The following ARHGAP6 variants were observed in gnomAD, a reference collection of about 807,000 sequenced individuals.
ARHGAP6 encodes the protein rho GTPase-activating protein 6.
In ARHGAP6, 16 loss-of-function variants were observed where a neutral mutation model predicts 55.7. The ratio of observed to expected loss-of-function variants is 0.29; its 90% CI spans 0.19 to 0.44. The LOEUF is 0.44. Among genes scored for constraint, ARHGAP6 ranks in the 20% least tolerant of loss-of-function variants. ARHGAP6 has a pLI of 1.00. For missense variants in ARHGAP6, 698 were observed against 808.9 expected, an observed-to-expected ratio of 0.86 and a Z score of 1.66; for synonymous variants, 382 against 360.9, an observed-to-expected ratio of 1.06 and a Z score of -0.66.
In ARHGAP6 at chrX:11,275,735, C is replaced by G. The variant is rs189293120; in HGVS notation, c.589-21028G>C. On this transcript the variant is annotated intron_variant, in intron 1 of 12. Transcript: ENST00000337414. Reference sequence around the variant, plus strand: ...GCTTAGCTCTTGGGCTTCACCAAGCCTCACTTACTTCACATCCCTTAATTT... The same window carrying G: ...GCTTAGCTCTTGGGCTTCACCAAGCGTCACTTACTTCACATCCCTTAATTT... Among the ~76,000 whole-genome samples the G allele has an allele frequency of 3.0e-3, 336 of 111,713 alleles. 1 individual carries two copies. Among genetic ancestry groups the G allele is most frequent in the African/African-American group, 0.011 (325 of 30,814 alleles).
intron 1 of ARHGAP6, among the ~76,000 whole-genome samples, chrX:11,518,798 C>T (rs1438983454): frequency 2.9e-5 from 2 of 68,543 alleles, no homozygotes; most frequent in Admixed American, 1.9e-4. Flanking sequence ...CCCGACCCCA[C>T]CACAGTCCCC....
intron 1 of ARHGAP6, among the ~76,000 whole-genome samples, chrX:11,568,729 C>A (rs2051477183): frequency 9.5e-6 from 1 of 105,457 alleles, no homozygotes; most frequent in Non-Finnish European, 1.9e-5. Flanking sequence ...TGCACTCCAG[C>A]CTGGGCGACA....
At chrX:11,437,128 A>G (rs905941072) in intron 1 of ARHGAP6, among the ~76,000 whole-genome samples, 37 of 111,305 alleles carry the variant, frequency 3.3e-4, no homozygotes, top group Admixed American at 9.5e-5. Context: ...CTGACTTTAT[A>G]ACAAATCTAG....
At chrX:11,358,041 C>A (rs1486462829) in intron 1 of ARHGAP6, among the ~76,000 whole-genome samples, 1 of 111,684 alleles carries the variant, frequency 9.0e-6, no homozygotes, top group African/African-American at 3.3e-5. Flanking sequence ...AGTTACTCCT[C>A]ACATCCCTCT....
intron 1 of ARHGAP6, among the ~76,000 whole-genome samples, chrX:11,519,471 T>A (rs999659853): frequency 3.8e-5 from 4 of 105,799 alleles, no homozygotes; most frequent in African/African-American, 1.5e-4. Context: ...CGCCCACTTT[T>A]TGATGGGGTT....
intron 1 of ARHGAP6, among the ~76,000 whole-genome samples, chrX:11,498,008 G>C (rs1190833000): frequency 9.0e-6 from 1 of 111,462 alleles, no homozygotes; most frequent in South Asian, 3.8e-4. Context: ...TATTGTTGCT[G>C]TAAGCTTGAA....
At chrX:11,462,637 T>C (rs780254940) in intron 1 of ARHGAP6, among the ~76,000 whole-genome samples, 1 of 112,377 alleles carries the variant, frequency 8.9e-6, no homozygotes, top group East Asian at 2.8e-4. Flanking sequence ...TATAATGAGA[T>C]TTGGGATAAC....
chrX:11,605,461 C>G (rs1053014380), intron 1 of ARHGAP6, among the ~76,000 whole-genome samples: 1 of 111,205 alleles, frequency 9.0e-6, no homozygotes, highest in Admixed American at 9.5e-5. Context: ...AGAAGAAGAA[C>G]AGGGGGAGTG....
intron 1 of ARHGAP6, among the ~76,000 whole-genome samples, chrX:11,590,177 T>TA (rs1256926248): frequency 8.9e-6 from 1 of 111,913 alleles, no homozygotes; most frequent in Non-Finnish European, 1.9e-5. Flanking sequence ...TGGAGATTTT[T>TA]AAAAATCTAC....
intron 1 of ARHGAP6, among the ~76,000 whole-genome samples, chrX:11,451,724 T>C (rs1231729153): frequency 1.8e-5 from 2 of 111,933 alleles, no homozygotes; most frequent in Admixed American, 9.5e-5. Flanking sequence ...CCATGATGCA[T>C]AGCACCTTGG....
chrX:11,179,745 CAT>C (rs972152096), intron 6 of ARHGAP6, among the ~76,000 whole-genome samples: 1 of 91,128 alleles, frequency 1.1e-5, no homozygotes, highest in Non-Finnish European at 2.1e-5. Context: ...TATGTATATA[CAT>C]ATATATGTAT....
rs60003077 is a variant in ARHGAP6 at position 11,441,559 on chromosome X, C to T, written c.589-186852G>A. Among the ~76,000 whole-genome samples the T allele has an allele frequency of 6.4e-3, 713 of 111,558 alleles. 4 individuals are homozygous for T. The highest frequency in any genetic ancestry group is 0.022 in the African/African-American group (672 of 30,695). On this transcript the variant is annotated intron_variant, in intron 1 of 12. Transcript: ENST00000337414. ...GCCCCTAGTCCCCCAACTCAACTGTCCTCCTGGGACTGCCAAGTAAAAAAG... is the reference window on the plus strand; with the variant it reads ...GCCCCTAGTCCCCCAACTCAACTGTTCTCCTGGGACTGCCAAGTAAAAAAG...
intron 1 of ARHGAP6, among the ~76,000 whole-genome samples, chrX:11,524,624 G>T (rs1172908813): frequency 2.7e-5 from 3 of 111,138 alleles, no homozygotes; most frequent in Non-Finnish European, 5.7e-5. Context: ...GGTCTTTGGG[G>T]GACCGTTCTG....
At chrX:11,585,243 T>C (rs1461076872) in intron 1 of ARHGAP6, among the ~76,000 whole-genome samples, 4 of 111,492 alleles carry the variant, frequency 3.6e-5, no homozygotes, top group African/African-American at 1.3e-4. Flanking sequence ...AATGAACATA[T>C]GTGTGTGTGT....
At chrX:11,530,539 T>C (rs1445861480) in intron 1 of ARHGAP6, among the ~76,000 whole-genome samples, 1 of 111,960 alleles carries the variant, frequency 8.9e-6, no homozygotes, top group Non-Finnish European at 1.9e-5. Context: ...AGTTAATTCA[T>C]TGCATACAAT....
chrX:11,171,595 A>G (rs753243000), intron 8 of ARHGAP6, among the ~76,000 whole-genome samples: 1 of 112,218 alleles, frequency 8.9e-6, no homozygotes, highest in African/African-American at 3.2e-5. Context: ...TTTAGGAGTA[A>G]ATTCCTACAA....
chrX:11,661,834 GGC>G (rs1470620024), intron 1 of ARHGAP6, among the ~76,000 whole-genome samples: 2 of 111,746 alleles, frequency 1.8e-5, no homozygotes, highest in African/African-American at 6.5e-5. Context: ...TCTCAGTTAG[GGC>G]GATTTTGATC....
intron 9 of ARHGAP6, among the ~76,000 whole-genome samples, chrX:11,160,293 C>CA (rs374632680): frequency 0.039 from 3,512 of 89,975 alleles, 153 homozygotes; most frequent in African/African-American, 0.12. Flanking sequence ...ACTAAAAATA[C>CA]AAAAAAAAAA....
chrX:11,343,910 T>C (rs2048737440), intron 1 of ARHGAP6, among the ~76,000 whole-genome samples: 1 of 112,224 alleles, frequency 8.9e-6, no homozygotes. Context: ...ATGTTTAATA[T>C]AAGGATTTTT....
Sources: allele counts gnomAD v4.1 joint callset (sites outside exome capture counted in the v4.1 genomes callset), GRCh38; gene constraint gnomAD v4.1.1; transcripts MANE v1.5; gene names NCBI Gene and HGNC (gene_info 2026-07-23, HGNC 2026-07-21).